The following TASP1 variants were observed in gnomAD, a reference collection of about 807,000 sequenced individuals.
The protein encoded by TASP1 is taspase 1.
In TASP1, 16 loss-of-function variants were observed where a neutral mutation model predicts 56.6. The observed-to-expected ratio is 0.28, with a 90% CI of 0.19 to 0.43. The LOEUF (loss-of-function observed/expected upper bound fraction) is 0.43. TASP1 is among the 20% of genes least tolerant of loss of function. TASP1 has a pLI of 1.00. For synonymous variants in TASP1, 179 were observed against 184.2 expected (o/e 0.97, Z 0.23); for missense variants, 393 against 511.6 (o/e 0.77, Z 2.24).
At chr20:13,393,468 T>C in intron 13 of TASP1, 1 of 793,850 alleles carries the variant, frequency 1.3e-6, no homozygotes. Flanking sequence ...GAAGCAGGTG[T>C]CAGAGGGCCC....
chr20:13,204,528 C>CATATATATATATATATATATATAT, the TASP1 span, among the ~76,000 whole-genome samples: 318 of 145,216 alleles, frequency 2.2e-3, 1 homozygote, highest in East Asian at 0.013. Flanking sequence ...TTTATATATT[C>CATATATATATATATATATATATAT]ATATATATAT....
chr20:13,270,769 G>T, the TASP1 span: 1 of 1,605,022 alleles, frequency 6.2e-7, no homozygotes, highest in Non-Finnish European at 8.5e-7. Flanking sequence ...TGGAAGATGG[G>T]AGATAACAAA....
the TASP1 span, among the ~76,000 whole-genome samples, chr20:13,257,231 T>G: frequency 6.6e-6 from 1 of 152,102 alleles, no homozygotes; most frequent in African/African-American, 2.4e-5. Context: ...TAAGAGAGTA[T>G]CGGCCAGGCT....
chr20:13,258,390 G>A, the TASP1 span, among the ~76,000 whole-genome samples: 1 of 152,060 alleles, frequency 6.6e-6, no homozygotes, highest in South Asian at 2.1e-4. Flanking sequence ...GGCTTTACTG[G>A]CCCTGGATAC....
the TASP1 span, among the ~76,000 whole-genome samples, chr20:13,369,731 A>T: frequency 6.6e-6 from 1 of 152,386 alleles, no homozygotes; most frequent in Admixed American, 6.5e-5. Flanking sequence ...AATGCAAATC[A>T]TAATGTTGAC....
intron 6 of TASP1, among the ~76,000 whole-genome samples, chr20:13,579,081 C>A (rs1406402832): frequency 2.0e-5 from 3 of 152,160 alleles, no homozygotes; most frequent in Non-Finnish European, 2.9e-5. Flanking sequence ...ACATCTTTTT[C>A]TCCCTACTGG....
chr20:13,531,225 T>G (rs553446528), intron 9 of TASP1, among the ~76,000 whole-genome samples: 1 of 152,236 alleles, frequency 6.6e-6, no homozygotes, highest in African/African-American at 2.4e-5. Flanking sequence ...AGGTGGAAAG[T>G]GGAGCTGAAA....
chr20:13,522,308 G>A lies in TASP1; in HGVS notation c.874+6125C>T, dbSNP rs187689403. Among the ~76,000 whole-genome samples, 407 of 152,264 alleles carry A rather than the reference G, an allele frequency of 2.7e-3. 1 individual carries two copies. The highest frequency in any genetic ancestry group is 4.4e-3 in the Non-Finnish European group (302 of 68,008). ...TTGCAGGGTTGCAAAACAAATAAAGGGGGAATGGGGCAAAAAGCAAGAGAC... is the reference window on the plus strand; with the variant it reads ...TTGCAGGGTTGCAAAACAAATAAAGAGGGAATGGGGCAAAAAGCAAGAGAC... On this transcript the variant is annotated intron_variant, in intron 10 of 13. Transcript: ENST00000337743.
chr20:13,299,041 A>G, the TASP1 span: 1 of 1,613,642 alleles, frequency 6.2e-7, no homozygotes, highest in Non-Finnish European at 8.5e-7. This position sits in a 1 kb window ranked among gnomAD's most constrained non-coding sequence, Gnocchi z 5.8. Flanking sequence ...CCCTGCTCCT[A>G]CCCCACTGAG....
At chr20:13,256,336 C>T in the TASP1 span, among the ~76,000 whole-genome samples, 1 of 143,714 alleles carries the variant, frequency 7.0e-6, no homozygotes, top group East Asian at 2.1e-4. Context: ...GTGGAGGTTA[C>T]ACTGAGCCTA....
At chr20:13,483,421 C>T in intron 10 of TASP1, 84 bp from the exon 11 acceptor site, 1 of 847,766 alleles carries the variant, frequency 1.2e-6, no homozygotes, top group Non-Finnish European at 1.7e-6. Flanking sequence ...CACCCTTATG[C>T]ATCATTTAAG....
At chr20:13,159,865 A>G in the TASP1 span, 9 of 1,200,360 alleles carry the variant, frequency 7.5e-6, no homozygotes, top group Middle Eastern at 3.0e-4. Context: ...AAAAACTTCA[A>G]TCATCTTCCA....
chr20:13,382,087 A>C, the TASP1 span, among the ~76,000 whole-genome samples: 1 of 152,040 alleles, frequency 6.6e-6, no homozygotes, highest in Admixed American at 6.5e-5. Context: ...AGCTGAAAGG[A>C]GAGGCAGCCC....
the TASP1 span, among the ~76,000 whole-genome samples, chr20:13,344,960 A>T: frequency 1.3e-5 from 2 of 152,106 alleles, no homozygotes; most frequent in Non-Finnish European, 2.9e-5. Flanking sequence ...AGATCCCAGT[A>T]AGGAAATCCA....
At chr20:13,321,053 G>T in the TASP1 span, among the ~76,000 whole-genome samples, 2 of 151,712 alleles carry the variant, frequency 1.3e-5, no homozygotes, top group Non-Finnish European at 2.9e-5. Flanking sequence ...ACAAAAATTA[G>T]CCAGGCATGG....
At chr20:13,382,914 GAGCTTGCTC>G in the TASP1 span, among the ~76,000 whole-genome samples, 2 of 152,136 alleles carry the variant, frequency 1.3e-5, no homozygotes, top group Non-Finnish European at 2.9e-5. Context: ...GTGTGGTTAG[GAGCTTGCTC>G]AGGGACGACC....
At chr20:13,394,454 C>CA (rs575958156) in intron 13 of TASP1, among the ~76,000 whole-genome samples, 3,164 of 151,076 alleles carry the variant, frequency 0.021, 54 homozygotes, top group Middle Eastern at 0.056. Context: ...ACTAAAAATA[C>CA]AAAAAAAATT....
chr20:13,217,698 C>T, the TASP1 span, among the ~76,000 whole-genome samples: 1 of 152,140 alleles, frequency 6.6e-6, no homozygotes, highest in South Asian at 2.1e-4. Flanking sequence ...TAAACAAATA[C>T]CAGATTTGTT....
intron 4 of TASP1, among the ~76,000 whole-genome samples, chr20:13,604,153 C>A (rs151225297): frequency 4.6e-5 from 7 of 152,278 alleles, no homozygotes; most frequent in South Asian, 2.1e-4. Context: ...TCCCTCACTG[C>A]AAAATCCCAT....
Sources: allele counts gnomAD v4.1 joint callset (sites outside exome capture counted in the v4.1 genomes callset), GRCh38; gene constraint gnomAD v4.1.1; non-coding constraint Gnocchi (gnomAD v3.1); transcripts MANE v1.5; gene names NCBI Gene and HGNC (gene_info 2026-07-23, HGNC 2026-07-21).